The following PDS5B variants were observed in gnomAD, a reference collection of about 807,000 sequenced individuals.
The protein encoded by PDS5B is PDS5 cohesin associated factor B.
A neutral mutation model predicts 184.1 loss-of-function variants in PDS5B; 51 were observed. That is an observed-to-expected ratio of 0.28 (90% CI 0.22 to 0.35). The LOEUF is 0.35. PDS5B is among the 10% of genes least tolerant of loss of function. PDS5B has a pLI of 1.00. For synonymous variants in PDS5B, 566 were observed against 569.2 expected, an observed-to-expected ratio of 0.99 and a Z score of 0.08; for missense variants, 1,180 against 1,723.3, an observed-to-expected ratio of 0.68 and a Z score of 5.58.
Position 32,651,794 on chromosome 13 carries a change from T to C in PDS5B, c.109-10T>C, listed in dbSNP as rs757641064. The C allele has an allele frequency of 3.2e-6, 5 of 1,543,750 alleles. No homozygotes were observed. The Admixed American group carries it at 8.7e-5, about 27-fold the overall frequency. ...AGCATTTCATTATTTGATTTTTTAT[T>C]TTTGTATAGATGGTTGTGAAAACTT... On this transcript the variant is annotated splice_polypyrimidine_tract_variant and intron_variant, in intron 2 of 34. Transcript: ENST00000315596.
chr13:32,740,971 G>A (rs1953521625), intron 21 of PDS5B, 109 bp from the exon 22 acceptor site: 1 of 639,786 alleles, frequency 1.6e-6, no homozygotes, highest in African/African-American at 1.9e-5. Context: ...TATAACAAAT[G>A]TCACTGCAGA....
chr13:32,743,678 T>C (rs1953644595), intron 23 of PDS5B, among the ~76,000 whole-genome samples: 1 of 152,174 alleles, frequency 6.6e-6, no homozygotes, highest in African/African-American at 2.4e-5. Flanking sequence ...GTTTTGCTTA[T>C]ACTGTATTCT....
At chr13:32,681,477 A>G (rs1951239879) in intron 10 of PDS5B, among the ~76,000 whole-genome samples, 1 of 152,060 alleles carries the variant, frequency 6.6e-6, no homozygotes, top group Non-Finnish European at 1.5e-5. Flanking sequence ...TACAAAAATT[A>G]GCCGGGTGTG....
At chr13:32,597,099 T>C (rs2140472664) in intron 1 of PDS5B, among the ~76,000 whole-genome samples, 1 of 152,168 alleles carries the variant, frequency 6.6e-6, no homozygotes, top group South Asian at 2.1e-4. Context: ...AGTGGCGCCA[T>C]CATAGCTCAC....
At chr13:32,627,142 T>C (rs1219086649) in intron 1 of PDS5B, among the ~76,000 whole-genome samples, 3 of 152,236 alleles carry the variant, frequency 2.0e-5, no homozygotes, top group Non-Finnish European at 4.4e-5. Context: ...ACCTGGTGTC[T>C]GACAGATCTT....
intron 9 of PDS5B, among the ~76,000 whole-genome samples, chr13:32,676,684 C>A (rs1475472515): frequency 6.6e-6 from 1 of 152,126 alleles, no homozygotes; most frequent in Non-Finnish European, 1.5e-5. Flanking sequence ...GTAATCCTAG[C>A]ACTTTGGGAG....
chr13:32,715,054 A>G (rs999388460), intron 19 of PDS5B, among the ~76,000 whole-genome samples: 3 of 152,230 alleles, frequency 2.0e-5, no homozygotes, highest in Non-Finnish European at 4.4e-5. Flanking sequence ...TTTACAATCC[A>G]TGTTCTTCTG....
At chr13:32,743,907 T>C (rs1953653340) in intron 23 of PDS5B, among the ~76,000 whole-genome samples, 1 of 152,184 alleles carries the variant, frequency 6.6e-6, no homozygotes, top group African/African-American at 2.4e-5. Context: ...GAAATAATTT[T>C]GTATTGATCA....
At chr13:32,734,933 G>A (rs1252546498) in intron 20 of PDS5B, among the ~76,000 whole-genome samples, 1 of 151,964 alleles carries the variant, frequency 6.6e-6, no homozygotes, top group African/African-American at 2.4e-5. Context: ...AAACTGAATT[G>A]GGCAAAACTG....
rs1463626806 is a variant in PDS5B at position 32,721,949 on chromosome 13, C to T, written c.2124-10152C>T. On this transcript the variant is annotated intron_variant, in intron 19 of 34. Coordinates refer to ENST00000315596, the MANE Select transcript of PDS5B (RefSeq NM_015032.4). ...GCAGAGATGCTCCTCACCTCCCAGA[C>T]GGGGTGGCGGCCGGGCAGAGGCTGC... is the stretch of plus-strand genomic sequence containing the variant. Among the ~76,000 whole-genome samples the T allele has an allele frequency of 5.3e-5, 8 of 152,178 alleles. No homozygotes were observed. The East Asian group carries it at 5.8e-4, about 11-fold the overall frequency.
At chr13:32,726,425 T>C (rs1473856511) in intron 19 of PDS5B, among the ~76,000 whole-genome samples, 1 of 152,214 alleles carries the variant, frequency 6.6e-6, no homozygotes, top group Non-Finnish European at 1.5e-5. Context: ...CCTTTTGTGT[T>C]TTTTGACAGT....
chr13:32,681,765 T>C (rs924892295), intron 10 of PDS5B, among the ~76,000 whole-genome samples: 1 of 152,176 alleles, frequency 6.6e-6, no homozygotes, highest in Non-Finnish European at 1.5e-5. Context: ...CATTTCACTT[T>C]ATCCGTGTGA....
At chr13:32,681,327 A>G (rs1276174746) in intron 10 of PDS5B, among the ~76,000 whole-genome samples, 3 of 152,198 alleles carry the variant, frequency 2.0e-5, no homozygotes, top group Admixed American at 6.5e-5. Flanking sequence ...TTTGTTTGAA[A>G]GAGTGAGGCT....
rs564442004 is a variant in PDS5B, at chr13:32,703,037, G to T, written c.1856+1599G>T. Among the ~76,000 whole-genome samples the T allele has an allele frequency of 2.6e-5, 4 of 152,240 alleles. No homozygotes were observed. In the South Asian group the frequency reaches 8.3e-4, roughly 32 times the overall value. On this transcript the variant is annotated intron_variant, in intron 17 of 34. Coordinates refer to ENST00000315596, the MANE Select transcript of PDS5B (RefSeq NM_015032.4). The stretch of plus-strand genomic sequence containing the variant: ...GGCAAGGAAGAACCAGAAATATTAG[G>T]ATTCAAGTCCAAATGATGTGGAGAA...
chr13:32,656,025 G>T (rs982584227), intron 3 of PDS5B, among the ~76,000 whole-genome samples: 3 of 152,124 alleles, frequency 2.0e-5, no homozygotes, highest in Admixed American at 6.5e-5. Context: ...AAAGGGTCCA[G>T]TTTCAGTCTT....
At chr13:32,610,863 G>T (rs992710181) in intron 1 of PDS5B, among the ~76,000 whole-genome samples, 4 of 151,950 alleles carry the variant, frequency 2.6e-5, no homozygotes, top group African/African-American at 7.3e-5. Context: ...TTGAGCACTG[G>T]GTAGGTACTC....
chr13:32,649,557 A>C (rs894022483), intron 2 of PDS5B: 1 of 152,152 alleles, frequency 6.6e-6, no homozygotes, highest in Non-Finnish European at 1.5e-5. Flanking sequence ...CTAGATATTT[A>C]TGTTGCTTGA....
chr13:32,758,405 T>TCTTA, intron 27 of PDS5B, 129 bp from the exon 28 acceptor site: 2 of 999,942 alleles, frequency 2.0e-6, no homozygotes, highest in Non-Finnish European at 3.0e-6. Context: ...TAAGCTAAGA[T>TCTTA]GCTTACACAG....
chr13:32,712,530 A>ATTAAATAATTAAATAATTAAATCATT (rs1227074249), intron 19 of PDS5B, among the ~76,000 whole-genome samples: 2 of 152,356 alleles, frequency 1.3e-5, no homozygotes, highest in Middle Eastern at 3.4e-3. Flanking sequence ...TGAATTCATC[A>ATTAAATAATTAAATAATTAAATCATT]AAATAATTAA....
Sources: allele counts gnomAD v4.1 joint callset (sites outside exome capture counted in the v4.1 genomes callset), GRCh38; gene constraint gnomAD v4.1.1; transcripts MANE v1.5; gene names NCBI Gene and HGNC (gene_info 2026-07-23, HGNC 2026-07-21).